ARHGAP42: variants seen among roughly 807,000 people sequenced by gnomAD.
ARHGAP42 encodes the protein Rho GTPase activating protein 42.
ARHGAP42 carries 63 observed loss-of-function variants against 125.0 expected under a neutral mutation model. The observed-to-expected ratio is 0.50, with a 90% CI of 0.41 to 0.62. The LOEUF (loss-of-function observed/expected upper bound fraction) is 0.62. Among genes scored for constraint, ARHGAP42 ranks in the 20% least tolerant of loss-of-function variants. ARHGAP42 has a pLI of 0.00. For synonymous variants in ARHGAP42, 339 were observed against 351.0 expected, an observed-to-expected ratio of 0.97 and a Z score of 0.38; for missense variants, 766 against 1,024.2, an observed-to-expected ratio of 0.75 and a Z score of 3.44.
At chr11:100,903,709 A>AATATATACATAT in intron 4 of ARHGAP42, among the ~76,000 whole-genome samples, 1 of 63,516 alleles carries the variant, frequency 1.6e-5, no homozygotes, top group South Asian at 5.7e-4. Flanking sequence ...TGTCCCTCAA[A>AATATATACATAT]ATATATATAT....
At chr11:100,887,570 T>C (rs1336205790) in intron 4 of ARHGAP42, among the ~76,000 whole-genome samples, 2 of 152,234 alleles carry the variant, frequency 1.3e-5, no homozygotes, top group African/African-American at 4.8e-5. Flanking sequence ...ACTATTTCAT[T>C]TGAAGCATTC....
At chr11:100,962,569 G>A in intron 16 of ARHGAP42, 102 bp downstream of exon 16, 2 of 1,101,638 alleles carry the variant, frequency 1.8e-6, no homozygotes, top group East Asian at 2.8e-5. Context: ...TTTTTTTCAA[G>A]TATTGCTTAA....
chr11:100,894,985 A>ATCTAGGCACAG (rs1866314733), intron 4 of ARHGAP42, among the ~76,000 whole-genome samples: 1 of 152,212 alleles, frequency 6.6e-6, no homozygotes, highest in Admixed American at 6.5e-5. Flanking sequence ...GCCTAGGAAC[A>ATCTAGGCACAG]GTTTATATAC....
chr11:100,741,380 A>G (rs1396448085), intron 1 of ARHGAP42, among the ~76,000 whole-genome samples: 1 of 152,206 alleles, frequency 6.6e-6, no homozygotes, highest in Admixed American at 6.5e-5. Flanking sequence ...TCCTGAAGCC[A>G]CAAGACACAT....
chr11:100,892,154 CT>C (rs2135193481), intron 4 of ARHGAP42, among the ~76,000 whole-genome samples: 2 of 152,290 alleles, frequency 1.3e-5, no homozygotes, highest in East Asian at 1.9e-4. Context: ...GCTTTGGAAA[CT>C]GTTTATACTA....
chr11:100,820,086 C>G (rs945380904), intron 3 of ARHGAP42, among the ~76,000 whole-genome samples: 1 of 152,036 alleles, frequency 6.6e-6, no homozygotes, highest in Non-Finnish European at 1.5e-5. Flanking sequence ...ATAATAAAGG[C>G]TTGGGTTTCA....
intron 6 of ARHGAP42, among the ~76,000 whole-genome samples, chr11:100,931,147 C>T (rs1339582232): frequency 6.6e-6 from 1 of 152,092 alleles, no homozygotes; most frequent in East Asian, 1.9e-4. Flanking sequence ...TATTGAACCA[C>T]CAGAAAGCAA....
At chr11:100,917,408 G>A (rs1322314770) in intron 5 of ARHGAP42, among the ~76,000 whole-genome samples, 1 of 152,062 alleles carries the variant, frequency 6.6e-6, no homozygotes, top group African/African-American at 2.4e-5. Context: ...ATTTTGTTGT[G>A]CCGGACTGTC....
At chr11:100,868,670 A>G (rs979249203) in intron 4 of ARHGAP42, among the ~76,000 whole-genome samples, 3 of 152,284 alleles carry the variant, frequency 2.0e-5, no homozygotes, top group Admixed American at 6.5e-5. Context: ...TGATGAGCTC[A>G]TTTGGACAGT....
intron 3 of ARHGAP42, among the ~76,000 whole-genome samples, chr11:100,857,769 T>C (rs1453291173): frequency 1.3e-5 from 2 of 152,070 alleles, no homozygotes; most frequent in Admixed American, 6.6e-5. Flanking sequence ...TTGAGTCCCT[T>C]TGTGTCTTCC....
intron 3 of ARHGAP42, among the ~76,000 whole-genome samples, chr11:100,818,199 A>G (rs1864314697): frequency 6.6e-6 from 1 of 152,052 alleles, no homozygotes; most frequent in South Asian, 2.1e-4. Flanking sequence ...TAATTTTGTT[A>G]GCTTCTTTGC....
chr11:100,860,854 T>A (rs1865429350), intron 4 of ARHGAP42, among the ~76,000 whole-genome samples: 1 of 152,226 alleles, frequency 6.6e-6, no homozygotes, highest in Non-Finnish European at 1.5e-5. Flanking sequence ...AGTGAAGGAC[T>A]AAAATCAGAA....
chr11:100,778,378 C>T (rs1863182164), intron 2 of ARHGAP42, among the ~76,000 whole-genome samples: 4 of 152,096 alleles, frequency 2.6e-5, no homozygotes, highest in Admixed American at 1.3e-4. Flanking sequence ...ATCCATCATT[C>T]TTTACAGACC....
At chr11:100,912,058 A>C (rs1866936869) in intron 4 of ARHGAP42, among the ~76,000 whole-genome samples, 1 of 152,188 alleles carries the variant, frequency 6.6e-6, no homozygotes, top group African/African-American at 2.4e-5. Flanking sequence ...AATTCCACAC[A>C]TGGAAAAAGA....
At chr11:100,797,213 A>T (rs1024073885) in intron 3 of ARHGAP42, among the ~76,000 whole-genome samples, 6 of 152,226 alleles carry the variant, frequency 3.9e-5, no homozygotes, top group African/African-American at 1.4e-4. Flanking sequence ...CCAAGTGCTG[A>T]TATAGAAGCT....
rs1348052461 is a variant in ARHGAP42 at position 100,804,591 on chromosome 11, C to CTGGA, written c.312+9426_312+9429dup. On this transcript the variant is annotated intron_variant, in intron 3 of 23. Coordinates refer to ENST00000298815, the MANE Select transcript of ARHGAP42 (RefSeq NM_152432.4). Reference sequence around the variant, plus strand: ...TCAGAGTCTCGCACTGCCACCTGGGCTGGAGTGCAATGGCAGGATCTAGGC... The same window carrying CTGGA: ...TCAGAGTCTCGCACTGCCACCTGGGCTGGATGGAGTGCAATGGCAGGATCTAGGC... Among the ~76,000 whole-genome samples the CTGGA allele has an allele frequency of 2.0e-5, 3 of 149,414 alleles. No individual in the cohort carries two copies. The South Asian group carries it at 6.3e-4, about 31-fold the overall frequency.
chr11:100,959,966 A>G, intron 13 of ARHGAP42, 21 bp downstream of exon 13: 3 of 1,542,824 alleles, frequency 1.9e-6, no homozygotes, highest in Non-Finnish European at 8.8e-7. Context: ...CCTGATTGGT[A>G]CAGCATCCCT....
At chr11:100,851,455 A>G (rs1181278175) in intron 3 of ARHGAP42, among the ~76,000 whole-genome samples, 1 of 152,174 alleles carries the variant, frequency 6.6e-6, no homozygotes, top group African/African-American at 2.4e-5. Context: ...TCATAGTGCA[A>G]TACATTACGT....
At chr11:100,896,163 G>A (rs1233871543) in intron 4 of ARHGAP42, among the ~76,000 whole-genome samples, 1 of 152,160 alleles carries the variant, frequency 6.6e-6, no homozygotes, top group Non-Finnish European at 1.5e-5. Context: ...TCCTGCAAAG[G>A]ACATGAACTC....
Sources: gnomAD v4.1 joint callset for allele counts (sites outside exome capture counted in the v4.1 genomes callset) on GRCh38, gnomAD v4.1.1 for gene constraint, MANE v1.5 for transcripts, NCBI Gene and HGNC (gene_info 2026-07-23, HGNC 2026-07-21) for gene names.